Variants in CLCN5 observed in about 807,000 individuals in gnomAD.
The protein encoded by CLCN5 is Cl-/H+ antiporter 5.
A neutral mutation model predicts 54.0 loss-of-function variants in CLCN5; 17 were observed. That is an observed-to-expected ratio of 0.31 (90% CI 0.22 to 0.47). CLCN5 has a LOEUF of 0.47. Ranked by LOEUF, CLCN5 falls within the 20% of genes least tolerant of loss-of-function variation. CLCN5 has a pLI of 1.00. For missense variants in CLCN5, 448 were observed against 646.7 expected, an observed-to-expected ratio of 0.69 and a Z score of 3.33; for synonymous variants, 222 against 233.0, an observed-to-expected ratio of 0.95 and a Z score of 0.43.
intron 3 of CLCN5, among the ~76,000 whole-genome samples, chrX:50,014,352 G>A (rs1345656179): frequency 8.9e-6 from 1 of 111,806 alleles, no homozygotes; most frequent in Non-Finnish European, 1.9e-5. Flanking sequence ...CAGGGCAGTG[G>A]GCATATGGTA....
chrX:49,925,327 C>T lies in CLCN5; in HGVS notation c.16+13C>T, dbSNP rs1557167860. Reference sequence around the variant, plus strand: ...GCCATGTGGCAGGGTAAGAAATTAGCACTTATTCTTCTAACTGGTTTTTCC... The same window carrying T: ...GCCATGTGGCAGGGTAAGAAATTAGTACTTATTCTTCTAACTGGTTTTTCC... On this transcript the variant is annotated intron_variant, in intron 3 of 14. Coordinates refer to ENST00000376091, the MANE Select transcript of CLCN5 (RefSeq NM_001127898.4). The T allele has an allele frequency of 5.0e-6, 6 of 1,204,986 alleles. No individual in the cohort carries two copies. The highest frequency in any genetic ancestry group is 6.7e-6 in the Non-Finnish European group (6 of 889,697).
At chrX:49,988,219 C>T (rs1271960864) in intron 3 of CLCN5, among the ~76,000 whole-genome samples, 1 of 111,050 alleles carries the variant, frequency 9.0e-6, no homozygotes, top group African/African-American at 3.3e-5. Context: ...AGCTTTGCCC[C>T]TTGTTCTCCA....
chrX:50,072,949 TC>T (rs1465317701), intron 6 of CLCN5, among the ~76,000 whole-genome samples: 3 of 110,254 alleles, frequency 2.7e-5, no homozygotes, highest in Non-Finnish European at 5.7e-5. Flanking sequence ...GAAGAGGACT[TC>T]CTGAGACATT....
chrX:50,013,984 A>AC (rs1930655475), intron 3 of CLCN5, among the ~76,000 whole-genome samples: 1 of 112,211 alleles, frequency 8.9e-6, no homozygotes, highest in Non-Finnish European at 1.9e-5. Flanking sequence ...TGCCGACCTT[A>AC]CTGTCTAGCA....
At chrX:49,981,928 T>A (rs1928750830) in intron 3 of CLCN5, among the ~76,000 whole-genome samples, 1 of 110,873 alleles carries the variant, frequency 9.0e-6, no homozygotes, top group Non-Finnish European at 1.9e-5. Context: ...CTAGAGCCAG[T>A]CAGTCTGTAT....
At position 50,092,728 on chromosome X, in the gene CLCN5, G is replaced by C. The variant is rs1350615425; in HGVS notation, c.*509G>C. The C allele has an allele frequency of 1.7e-5, 2 of 119,448 alleles. No individual in the cohort carries two copies. Among genetic ancestry groups the C allele is most frequent in the African/African-American group, 3.2e-5 (1 of 31,077 alleles). The allele number at this position is 119,448 out of a possible 1,213,427, so 9.8% of individuals were successfully genotyped here. Reference sequence around the variant, plus strand: ...GTAATGGTATTTTCTAGACTGTGAAGATTCAGTTCAAATGTTATCCTTGTT... The same window carrying C: ...GTAATGGTATTTTCTAGACTGTGAACATTCAGTTCAAATGTTATCCTTGTT... On this transcript the variant is annotated 3_prime_UTR_variant, in exon 15 of 15. Coordinates refer to ENST00000376091, the MANE Select transcript of CLCN5 (RefSeq NM_001127898.4).
rs868951703 is a variant in CLCN5, at chrX:50,060,274, G to C, written c.164-9605G>C. Among the ~76,000 whole-genome samples the C allele has an allele frequency of 1.1e-3, 121 of 110,578 alleles. 1 individual carries two copies. The highest frequency in any genetic ancestry group is 2.3e-3 in the Admixed American group (24 of 10,479). ...GTTCATCTCACTAGGGAGTGCCAGA[G>C]AGTGGGCGCAGGCCAGTGGGTGCGC... On this transcript the variant is annotated intron_variant, in intron 4 of 14. Coordinates refer to ENST00000376091, the MANE Select transcript of CLCN5 (RefSeq NM_001127898.4).
intron 4 of CLCN5, among the ~76,000 whole-genome samples, chrX:50,048,738 C>T (rs1932478519): frequency 9.0e-6 from 1 of 110,892 alleles, no homozygotes; most frequent in Admixed American, 9.6e-5. Context: ...GTGCTAGAAT[C>T]AGCCATTTCT....
Position 49,997,552 on chromosome X carries a change from G to T in CLCN5, c.17-44764G>T, listed in dbSNP as rs530824725. ...ATAAACTCTTGTTTTTTGAGACAGGGTCTCACTCCATTGCCCAGGCTGGAG... is the reference window on the plus strand; with the variant it reads ...ATAAACTCTTGTTTTTTGAGACAGGTTCTCACTCCATTGCCCAGGCTGGAG... On this transcript the variant is annotated intron_variant, in intron 3 of 14. Coordinates refer to ENST00000376091, the MANE Select transcript of CLCN5 (RefSeq NM_001127898.4). Among the ~76,000 whole-genome samples, 7 of 110,966 alleles carry T rather than the reference G, an allele frequency of 6.3e-5. No individual in the cohort carries two copies. The South Asian group carries it at 2.3e-3, about 37-fold the overall frequency.
rs1479508991 is a variant in CLCN5, at chrX:50,022,685, C to G, written c.17-19631C>G. On this transcript the variant is annotated intron_variant, in intron 3 of 14. Transcript: ENST00000376091. The stretch of plus-strand genomic sequence containing the variant: ...GATTCTGGTATGTGGTGTCTTTGTT[C>G]TCTTTGGTTTCAAAGAACATCTTTA... 6.0e-5 allele frequency among the ~76,000 whole-genome samples: 5 copies of G among 82,916 alleles called. 1 individual carries two copies. Among genetic ancestry groups the G allele is most frequent in the African/African-American group, 3.2e-4 (5 of 15,798 alleles). The allele number at this position is 82,916 out of a possible 115,157, so 72.0% of individuals were successfully genotyped here.
intron 3 of CLCN5, among the ~76,000 whole-genome samples, chrX:49,958,615 T>G (rs1236520919): frequency 9.0e-6 from 1 of 111,610 alleles, no homozygotes; most frequent in Non-Finnish European, 1.9e-5. Flanking sequence ...CAGCCAAATT[T>G]TTCTAGTCTG....
chrX:50,050,657 CTTTTTTTTTT>C (rs1161956431), intron 4 of CLCN5, among the ~76,000 whole-genome samples: 1 of 61,295 alleles, frequency 1.6e-5, no homozygotes, highest in Non-Finnish European at 3.0e-5. Flanking sequence ...GTCTTCTTGG[CTTTTTTTTTT>C]TTTTTTTTTT....
At chrX:50,057,256 C>T (rs962529950) in intron 4 of CLCN5, among the ~76,000 whole-genome samples, 4 of 107,876 alleles carry the variant, frequency 3.7e-5, no homozygotes, top group Admixed American at 9.8e-5. Context: ...TTATCTGTAG[C>T]TACTGAAGTA....
intron 4 of CLCN5, among the ~76,000 whole-genome samples, chrX:50,054,008 G>C (rs1932668066): frequency 9.0e-6 from 1 of 110,680 alleles, no homozygotes; most frequent in Non-Finnish European, 1.9e-5. Flanking sequence ...CTCCTCTAGA[G>C]AGTCTGTGTC....
At chrX:50,027,257 G>A (rs782500673) in intron 3 of CLCN5, among the ~76,000 whole-genome samples, 25 of 110,603 alleles carry the variant, frequency 2.3e-4, no homozygotes, top group East Asian at 8.5e-4. Context: ...CTCGTGATCC[G>A]CCCACCTAGG....
At chrX:50,042,156 G>A (rs964803219) in intron 3 of CLCN5, among the ~76,000 whole-genome samples, 160 bp from the exon 4 acceptor site, 4 of 112,293 alleles carry the variant, frequency 3.6e-5, no homozygotes, top group South Asian at 3.7e-4. Context: ...TGTTTGGGAT[G>A]ATGAAATAGT....
intron 3 of CLCN5, among the ~76,000 whole-genome samples, chrX:50,014,237 TAGAC>T (rs782393896): frequency 1.8e-5 from 2 of 111,486 alleles, no homozygotes; most frequent in South Asian, 3.9e-4. Context: ...TTTCTGCCCA[TAGAC>T]AGACAAAGTG....
chrX:49,948,759 A>G (rs1926886519), intron 3 of CLCN5, among the ~76,000 whole-genome samples: 1 of 111,732 alleles, frequency 8.9e-6, no homozygotes, highest in Admixed American at 9.5e-5. Context: ...GGGGTGGTAG[A>G]TGGGTAGTAT....
Position 50,092,303 on chromosome X carries a change from T to C in CLCN5, c.*84T>C. ...TTAACTGGGTACCCAAAACACATTTTCCATATTTGGATGGTGAAGTCACAT... is the reference window on the plus strand; with the variant it reads ...TTAACTGGGTACCCAAAACACATTTCCCATATTTGGATGGTGAAGTCACAT... On this transcript the variant is annotated 3_prime_UTR_variant, in exon 15 of 15. Coordinates refer to ENST00000376091, the MANE Select transcript of CLCN5 (RefSeq NM_001127898.4). The C allele has an allele frequency of 1.5e-6, 1 of 655,015 alleles. No homozygotes were observed. The highest frequency in any genetic ancestry group is 2.5e-6 in the Non-Finnish European group (1 of 397,593). The allele number at this position is 655,015 out of a possible 1,213,427, so 54.0% of individuals were successfully genotyped here. A position where few individuals can be genotyped will look rare whatever the true frequency, so the allele number is the denominator to read the frequency against.
Sources: allele counts gnomAD v4.1 joint callset (sites outside exome capture counted in the v4.1 genomes callset), GRCh38; gene constraint gnomAD v4.1.1; transcripts MANE v1.5; gene names NCBI Gene and HGNC (gene_info 2026-07-23, HGNC 2026-07-21).